Variants in XIRP2 observed in about 807,000 individuals in gnomAD.
XIRP2 encodes xin actin-binding repeat-containing protein 2.
XIRP2 carries 236 observed loss-of-function variants against 277.0 expected under a neutral mutation model. That is an observed-to-expected ratio of 0.85 (90% CI 0.77 to 0.95). The LOEUF (loss-of-function observed/expected upper bound fraction) is 0.95, where lower values mean the gene tolerates loss of function less well. Among genes scored for constraint, XIRP2 ranks in the 40% least tolerant of loss-of-function variants. XIRP2 has a pLI of 0.00. For synonymous variants in XIRP2, 1,490 were observed against 1,416.5 expected (o/e 1.05, Z -1.17); for missense variants, 4,640 against 4,157.5 (o/e 1.12, Z -3.19).
chr2:166,939,632 A>T (rs923919208), intron 2 of XIRP2, among the ~76,000 whole-genome samples: 1 of 146,300 alleles, frequency 6.8e-6, no homozygotes, highest in African/African-American at 2.6e-5. Flanking sequence ...GTGAGCCGAG[A>T]TCACGCCACT....
intron 2 of XIRP2, among the ~76,000 whole-genome samples, chr2:166,960,325 A>G (rs927809085): frequency 2.0e-5 from 3 of 151,864 alleles, no homozygotes; most frequent in East Asian, 3.9e-4. Flanking sequence ...GAACAATTAA[A>G]AGAGACAGAG....
chr2:167,194,036 T>TTGA (rs1395753151), intron 3 of XIRP2, among the ~76,000 whole-genome samples: 1 of 151,790 alleles, frequency 6.6e-6, no homozygotes, highest in Non-Finnish European at 1.5e-5. Context: ...GTTTCAGGGG[T>TTGA]TGATATATAA....
chr2:167,165,852 A>G (rs941501448), intron 3 of XIRP2, among the ~76,000 whole-genome samples: 8 of 152,124 alleles, frequency 5.3e-5, no homozygotes, highest in African/African-American at 1.9e-4. Context: ...AATGAATTCC[A>G]GCTTATTTGT....
intron 2 of XIRP2, among the ~76,000 whole-genome samples, chr2:166,971,819 A>C (rs992521074): frequency 4.6e-5 from 7 of 152,186 alleles, no homozygotes; most frequent in Non-Finnish European, 5.9e-5. Flanking sequence ...CATGAAAATC[A>C]CAGTTTGCAA....
intron 2 of XIRP2, among the ~76,000 whole-genome samples, chr2:166,950,543 C>A (rs1685999613): frequency 6.6e-6 from 1 of 151,950 alleles, no homozygotes; most frequent in Non-Finnish European, 1.5e-5. Context: ...TTATAGGGAG[C>A]TATTGTAGAA....
chr2:167,169,855 T>C (rs868579837), intron 3 of XIRP2, among the ~76,000 whole-genome samples: 13 of 152,306 alleles, frequency 8.5e-5, no homozygotes, highest in Admixed American at 1.3e-4. Flanking sequence ...ATGGTTATGA[T>C]GGAATAATGA....
chr2:167,059,486 A>AAAAT (rs1391159329), intron 2 of XIRP2, among the ~76,000 whole-genome samples: 2 of 150,332 alleles, frequency 1.3e-5, no homozygotes, highest in African/African-American at 4.9e-5. Context: ...AAAATAAAAT[A>AAAAT]AAATAAAACC....
At chr2:167,113,872 G>A (rs1378997248) in intron 2 of XIRP2, among the ~76,000 whole-genome samples, 1 of 152,160 alleles carries the variant, frequency 6.6e-6, no homozygotes, top group African/African-American at 2.4e-5. Flanking sequence ...TATCTGAAAA[G>A]GATCTTATTT....
At chr2:166,894,405 G>A (rs1684187218) in intron 1 of XIRP2, among the ~76,000 whole-genome samples, 1 of 152,000 alleles carries the variant, frequency 6.6e-6, no homozygotes, top group Non-Finnish European at 1.5e-5. Context: ...CTAAATCTTG[G>A]CAGATTTCCT....
intron 2 of XIRP2, among the ~76,000 whole-genome samples, chr2:167,039,189 C>T (rs1688592798): frequency 6.6e-6 from 1 of 151,836 alleles, no homozygotes; most frequent in Non-Finnish European, 1.5e-5. Flanking sequence ...TCTAAAGAAC[C>T]ACAATGAGTT....
chr2:166,954,568 G>T (rs1686116211), intron 2 of XIRP2, among the ~76,000 whole-genome samples: 1 of 151,836 alleles, frequency 6.6e-6, no homozygotes, highest in Non-Finnish European at 1.5e-5. Context: ...CCACTACTGG[G>T]TATATACCCA....
intron 3 of XIRP2, among the ~76,000 whole-genome samples, chr2:167,138,807 T>G (rs1358091178): frequency 2.0e-5 from 3 of 152,192 alleles, no homozygotes. Context: ...GACTCATGCC[T>G]GTAATCCCAG....
intron 2 of XIRP2, among the ~76,000 whole-genome samples, chr2:166,966,988 G>GTAGGCACC (rs963541381): frequency 1.3e-5 from 2 of 151,888 alleles, no homozygotes; most frequent in Admixed American, 1.3e-4. Context: ...CAGGAGATTT[G>GTAGGCACC]TAGGCACCCC....
chr2:167,244,656 AG>A lies in XIRP2; in HGVS notation c.3268del (p.Asp1090MetfsTer23). ...CTGAACAAACTAGAGATATTGTTAA[AG>A]GGGATGTCAAAACCTGTAAATGGCT... is the stretch of plus-strand genomic sequence containing the variant. ...KTEQTRDIVK[G>X]DVKTCKWLFE... On this transcript the variant is annotated frameshift_variant, in exon 9 of 11. Transcript: ENST00000409195. LOFTEE classifies it high-confidence loss of function. 6.2e-7 allele frequency: 1 copy of A among 1,613,540 alleles called. No individual in the cohort carries two copies. The highest frequency in any genetic ancestry group is 1.1e-5 in the South Asian group (1 of 91,022).
intron 4 of XIRP2, among the ~76,000 whole-genome samples, 196 bp downstream of exon 4, chr2:167,211,091 A>G (rs1694017046): frequency 6.6e-6 from 1 of 152,074 alleles, no homozygotes; most frequent in African/African-American, 2.4e-5. Context: ...GTGAATCTGA[A>G]CTACTATTTT....
Position 167,246,626 on chromosome 2 carries a change from T to C in XIRP2, c.5234T>C (p.Phe1745Ser), listed in dbSNP as rs1300621637. 1.2e-6 allele frequency: 2 copies of C among 1,613,744 alleles called. No homozygotes were observed. The highest frequency in any genetic ancestry group is 2.2e-5 in the South Asian group (2 of 91,070). Residue 1745 changes from phenylalanine to serine, a missense_variant, in exon 9 of 11, where the codon TTT becomes TCT. Phe to Ser is a radical substitution (Grantham distance 155). Coordinates refer to ENST00000409195, the MANE Select transcript of XIRP2 (RefSeq NM_152381.6). The stretch of plus-strand genomic sequence containing the variant: ...GCCTCTGAGAGAGGAAATGTTCAGT[T>C]TTTCACAACCTGCATAGAAGCTGGA... ...IDASERGNVQFFTTCIEAGAL... is the reference protein window; with the variant it reads ...IDASERGNVQSFTTCIEAGAL...
intron 2 of XIRP2, among the ~76,000 whole-genome samples, chr2:167,120,995 C>T (rs532754246): frequency 1.3e-5 from 2 of 152,186 alleles, no homozygotes; most frequent in East Asian, 3.9e-4. Context: ...TGTGGTATTT[C>T]ATATTCATTC....
intron 2 of XIRP2, among the ~76,000 whole-genome samples, chr2:166,984,115 CCATT>C (rs1206572441): frequency 6.6e-6 from 1 of 152,122 alleles, no homozygotes; most frequent in African/African-American, 2.4e-5. Context: ...CTTACAATTC[CCATT>C]CATTCATTAT....
At chr2:166,940,608 G>A (rs747071677) in intron 2 of XIRP2, among the ~76,000 whole-genome samples, 23 of 152,246 alleles carry the variant, frequency 1.5e-4, no homozygotes, top group African/African-American at 5.1e-4. Context: ...TGGTGGTGGC[G>A]TACAGATGGG....
Sources: gnomAD v4.1 joint callset for allele counts (sites outside exome capture counted in the v4.1 genomes callset) on GRCh38, gnomAD v4.1.1 for gene constraint, MANE v1.5 for transcripts, NCBI Gene and HGNC (gene_info 2026-07-23, HGNC 2026-07-21) for gene names.